The following SMIM10L3 variants were observed in gnomAD, a reference collection of about 807,000 sequenced individuals.
The protein encoded by SMIM10L3 is small integral membrane protein 10 like 3.
the SMIM10L3 span, among the ~76,000 whole-genome samples, chr7:6,335,821 G>C: frequency 6.6e-6 from 1 of 152,094 alleles, no homozygotes; most frequent in African/African-American, 2.4e-5. Context: ...GATGGCTTGA[G>C]CCCAGGGGTG....
At chr7:6,330,442 A>G in the SMIM10L3 span, 1 of 1,614,208 alleles carries the variant, frequency 6.2e-7, no homozygotes, top group Non-Finnish European at 8.5e-7. Context: ...TGTTATCTGC[A>G]GACCATCTGA....
the SMIM10L3 span, among the ~76,000 whole-genome samples, chr7:6,331,571 A>G: frequency 6.6e-6 from 1 of 151,914 alleles, no homozygotes; most frequent in African/African-American, 2.4e-5. Context: ...TAATAGAGAC[A>G]AGGTTTCACC....
the SMIM10L3 span, chr7:6,331,255 T>G: frequency 8.2e-7 from 1 of 1,224,644 alleles, no homozygotes; most frequent in East Asian, 2.5e-5. Flanking sequence ...GGAATCAAAT[T>G]AAAGTTCTAA....
the SMIM10L3 span, chr7:6,330,852 G>T: frequency 9.3e-6 from 15 of 1,614,204 alleles, no homozygotes; most frequent in Non-Finnish European, 1.3e-5. Context: ...CCACGGCTGT[G>T]CTCGGAGTGG....
At chr7:6,346,234 C>T in the SMIM10L3 span, among the ~76,000 whole-genome samples, 28 of 152,148 alleles carry the variant, frequency 1.8e-4, no homozygotes, top group Non-Finnish European at 3.5e-4. Flanking sequence ...GACACAGGAG[C>T]ACCCTTCACT....
the SMIM10L3 span, among the ~76,000 whole-genome samples, chr7:6,341,261 G>T: frequency 4.0e-5 from 6 of 151,456 alleles, no homozygotes; most frequent in Non-Finnish European, 7.4e-5. Flanking sequence ...TGGCTAACAC[G>T]GTGAAACCCC....
chr7:6,335,765 T>C, the SMIM10L3 span, among the ~76,000 whole-genome samples: 1 of 152,178 alleles, frequency 6.6e-6, no homozygotes, highest in Admixed American at 6.6e-5. Flanking sequence ...CCAGGTGCAG[T>C]GGCTCAGCCC....
chr7:6,339,629 G>A, the SMIM10L3 span, among the ~76,000 whole-genome samples: 13 of 150,250 alleles, frequency 8.7e-5, no homozygotes, highest in Middle Eastern at 3.6e-3. Flanking sequence ...GACTACAGGC[G>A]CCCGCCACCA....
chr7:6,347,210 G>A, the SMIM10L3 span, among the ~76,000 whole-genome samples: 2 of 152,130 alleles, frequency 1.3e-5, no homozygotes, highest in African/African-American at 2.4e-5. Context: ...GGAATTCAAG[G>A]GATGTAGAAA....
the SMIM10L3 span, among the ~76,000 whole-genome samples, chr7:6,343,425 TATATATATATATATATATATGATCTAGGA>T: frequency 7.7e-6 from 1 of 129,920 alleles, no homozygotes; most frequent in African/African-American, 2.9e-5. Context: ...TATATATATA[TATATATATATATATATATATGATCTAGGA>T]CTAAGAAACA....
At chr7:6,335,982 G>C in the SMIM10L3 span, among the ~76,000 whole-genome samples, 12 of 152,052 alleles carry the variant, frequency 7.9e-5, no homozygotes, top group Non-Finnish European at 1.5e-4. Flanking sequence ...AGATCAGCCT[G>C]GTCTACACGG....
At chr7:6,346,217 C>A in the SMIM10L3 span, among the ~76,000 whole-genome samples, 2 of 152,110 alleles carry the variant, frequency 1.3e-5, no homozygotes, top group Non-Finnish European at 2.9e-5. Context: ...TACCAGTCCC[C>A]TGAACTGACA....
At chr7:6,347,243 T>C in the SMIM10L3 span, among the ~76,000 whole-genome samples, 2 of 152,162 alleles carry the variant, frequency 1.3e-5, no homozygotes, top group East Asian at 1.9e-4. Context: ...GGCTGGGCGC[T>C]GTGGCTGACG....
At chr7:6,329,756 G>GT in the SMIM10L3 span, 1 of 165,888 alleles carries the variant, frequency 6.0e-6, no homozygotes, top group Non-Finnish European at 1.5e-5. Flanking sequence ...TTTGTTTAAG[G>GT]TAACACTGCT....
At chr7:6,346,188 G>T in the SMIM10L3 span, among the ~76,000 whole-genome samples, 1 of 152,080 alleles carries the variant, frequency 6.6e-6, no homozygotes, top group Admixed American at 6.6e-5. Flanking sequence ...TAACTGGGGA[G>T]GGCTCAGGCC....
chr7:6,348,241 G>A, the SMIM10L3 span, among the ~76,000 whole-genome samples: 35 of 150,598 alleles, frequency 2.3e-4, no homozygotes, highest in African/African-American at 7.3e-4. Flanking sequence ...AAGGGGGGGG[G>A]TTGCAAAGTT....
the SMIM10L3 span, among the ~76,000 whole-genome samples, chr7:6,335,563 T>C: frequency 1.3e-5 from 2 of 152,094 alleles, no homozygotes; most frequent in East Asian, 3.9e-4. Flanking sequence ...TAAAATGTCT[T>C]GGTTTAGTTC....
the SMIM10L3 span, among the ~76,000 whole-genome samples, chr7:6,346,250 C>G: frequency 6.6e-6 from 1 of 152,140 alleles, no homozygotes; most frequent in African/African-American, 2.4e-5. Flanking sequence ...TCACTCAATT[C>G]AAGCCACCTG....
chr7:6,340,946 G>A, the SMIM10L3 span, among the ~76,000 whole-genome samples: 5 of 123,092 alleles, frequency 4.1e-5, no homozygotes, highest in African/African-American at 1.7e-4. Flanking sequence ...TGCCTAACAT[G>A]GTGAAACCCT....
Sources: allele counts gnomAD v4.1 joint callset (sites outside exome capture counted in the v4.1 genomes callset), GRCh38; gene constraint gnomAD v4.1.1; transcripts MANE v1.5; gene names NCBI Gene and HGNC (gene_info 2026-07-23, HGNC 2026-07-21).